KAZN: variants seen among roughly 807,000 people sequenced by gnomAD.
The protein encoded by KAZN is kazrin, periplakin interacting protein.
In KAZN, 40 loss-of-function variants were observed where a neutral mutation model predicts 87.4. The observed-to-expected ratio is 0.46, with a 90% CI of 0.36 to 0.60. The LOEUF (loss-of-function observed/expected upper bound fraction) is 0.60, where lower values mean the gene tolerates loss of function less well. Among genes scored for constraint, KAZN ranks in the 20% least tolerant of loss-of-function variants. The pLI is 0.00. For missense variants in KAZN, 898 were observed against 1,073.9 expected (o/e 0.84, Z 2.29); for synonymous variants, 466 against 458.3 (o/e 1.02, Z -0.22).
chr1:14,846,995 A>G (rs1299704312), intron 1 of KAZN, among the ~76,000 whole-genome samples: 1 of 152,114 alleles, frequency 6.6e-6, no homozygotes, highest in Non-Finnish European at 1.5e-5. Flanking sequence ...GTTTTTTACA[A>G]CCTGCTCTAA....
chr1:14,335,106 G>GCT (rs1657139702), intron 2 of KAZN, among the ~76,000 whole-genome samples: 1 of 146,120 alleles, frequency 6.8e-6, no homozygotes. Flanking sequence ...ATGACTCGGT[G>GCT]CCCCCCCCCC....
At chr1:15,052,427 A>G (rs532371861) in intron 4 of KAZN, among the ~76,000 whole-genome samples, 1 of 152,266 alleles carries the variant, frequency 6.6e-6, no homozygotes, top group East Asian at 1.9e-4. Context: ...ACCTGTCCCT[A>G]TGATTCAATT....
At chr1:14,185,678 A>G (rs1432107380) in intron 2 of KAZN, among the ~76,000 whole-genome samples, 1 of 152,182 alleles carries the variant, frequency 6.6e-6, no homozygotes, top group East Asian at 1.9e-4. Flanking sequence ...TTTCAGATAA[A>G]TAAACTTTAA....
intron 1 of KAZN, among the ~76,000 whole-genome samples, chr1:14,959,652 T>C (rs1663601186): frequency 6.6e-6 from 1 of 152,174 alleles, no homozygotes; most frequent in Non-Finnish European, 1.5e-5. Flanking sequence ...GTCTCCTAAG[T>C]GAGGTTTCCT....
intron 1 of KAZN, among the ~76,000 whole-genome samples, chr1:14,912,505 C>T (rs1043001745): frequency 5.9e-5 from 9 of 152,058 alleles, no homozygotes; most frequent in Non-Finnish European, 1.3e-4. Flanking sequence ...CTCAGCCTCC[C>T]GAGTAGCTGA....
chr1:14,537,454 G>A (rs185773951), intron 2 of KAZN, among the ~76,000 whole-genome samples: 11 of 152,210 alleles, frequency 7.2e-5, no homozygotes, highest in Admixed American at 4.6e-4. Context: ...TTGCCATCAC[G>A]GCTAGTGGGT....
At chr1:13,949,535 T>A (rs920432601) in intron 1 of KAZN, among the ~76,000 whole-genome samples, 3 of 98,380 alleles carry the variant, frequency 3.0e-5, no homozygotes, top group African/African-American at 1.0e-4. Context: ...GACGAGGTGT[T>A]TTTAGGGTGA....
At chr1:14,342,196 G>A (rs569324324) in intron 2 of KAZN, among the ~76,000 whole-genome samples, 8 of 152,260 alleles carry the variant, frequency 5.3e-5, no homozygotes, top group Admixed American at 1.3e-4. Context: ...TAGTCATTCC[G>A]TGGTGTATGT....
At chr1:14,982,488 G>T (rs1666358351) in intron 2 of KAZN, among the ~76,000 whole-genome samples, 1 of 143,810 alleles carries the variant, frequency 7.0e-6, no homozygotes, top group African/African-American at 2.6e-5. Context: ...GGAGTGCAGT[G>T]GTGCAATCTC....
chr1:15,000,511 G>A (rs1017166524), intron 2 of KAZN, among the ~76,000 whole-genome samples: 5 of 151,698 alleles, frequency 3.3e-5, no homozygotes, highest in South Asian at 4.2e-4. Flanking sequence ...GAGGCACCTC[G>A]GGGGGTACAG....
intron 1 of KAZN, among the ~76,000 whole-genome samples, chr1:14,718,300 T>C (rs1883576): frequency 0.25 from 37,763 of 152,114 alleles, 5,890 homozygotes; most frequent in African/African-American, 0.43. Context: ...TTGATGTGAA[T>C]TCAAACCGTG....
intron 1 of KAZN, among the ~76,000 whole-genome samples, chr1:14,151,095 G>C (rs1645463670): frequency 6.6e-6 from 1 of 152,062 alleles, no homozygotes; most frequent in African/African-American, 2.4e-5. Flanking sequence ...TTTTAATGCA[G>C]TCTTATAAAA....
At chr1:14,948,109 T>C (rs1398110631) in intron 1 of KAZN, among the ~76,000 whole-genome samples, 1 of 152,196 alleles carries the variant, frequency 6.6e-6, no homozygotes, top group Admixed American at 6.5e-5. Context: ...TTCAAGTTTG[T>C]AGGGAAGCTA....
chr1:14,424,255 G>A (rs138779171), intron 2 of KAZN, among the ~76,000 whole-genome samples: 188 of 152,302 alleles, frequency 1.2e-3, no homozygotes, highest in African/African-American at 4.1e-3. Context: ...TCAGCAAATC[G>A]TAGTCTCATG....
intron 1 of KAZN, among the ~76,000 whole-genome samples, chr1:14,045,563 G>A (rs12061818): frequency 0.24 from 35,932 of 152,032 alleles, 4,677 homozygotes; most frequent in African/African-American, 0.32. Flanking sequence ...AATGATAACT[G>A]ACAGCAGATT....
intron 1 of KAZN, among the ~76,000 whole-genome samples, chr1:14,798,946 G>C (rs1295450201): frequency 2.0e-5 from 3 of 151,812 alleles, no homozygotes; most frequent in Non-Finnish European, 4.4e-5. Context: ...TTGTTTGTTT[G>C]TTTGTTTTTT....
chr1:14,277,681 AAAAG>A (rs1652491802), intron 2 of KAZN, among the ~76,000 whole-genome samples: 2 of 151,684 alleles, frequency 1.3e-5, no homozygotes, highest in African/African-American at 2.4e-5. Flanking sequence ...AAAAAAAGAA[AAAAG>A]AAAGAACAGG....
intron 1 of KAZN, among the ~76,000 whole-genome samples, chr1:13,932,898 A>T (rs1406116137): frequency 1.3e-5 from 2 of 152,250 alleles, no homozygotes; most frequent in Non-Finnish European, 2.9e-5. Context: ...TTAAAAATAG[A>T]TACCAAATGC....
intron 1 of KAZN, among the ~76,000 whole-genome samples, chr1:14,047,877 GAAAAAAAAAAAT>G: frequency 7.9e-6 from 1 of 127,176 alleles, no homozygotes; most frequent in East Asian, 2.3e-4. Context: ...AAAGAAAAAA[GAAAAAAAAAAAT>G]AAAGAAAGAA....
Sources: gnomAD v4.1 joint callset for allele counts (sites outside exome capture counted in the v4.1 genomes callset) on GRCh38, gnomAD v4.1.1 for gene constraint, MANE v1.5 for transcripts, NCBI Gene and HGNC (gene_info 2026-07-23, HGNC 2026-07-21) for gene names.